SLC14A2: variants seen among roughly 807,000 people sequenced by gnomAD.
SLC14A2 encodes the protein urea transporter 2.
In SLC14A2, 91 loss-of-function variants were observed where a neutral mutation model predicts 104.6. That is an observed-to-expected ratio of 0.87 (90% CI 0.73 to 1.04). The LOEUF (loss-of-function observed/expected upper bound fraction) is 1.04, where lower values mean the gene tolerates loss of function less well. Ranked by LOEUF, SLC14A2 falls within the 50% of genes least tolerant of loss-of-function variation. The pLI is 0.00. For synonymous variants in SLC14A2, 476 were observed against 466.4 expected, an observed-to-expected ratio of 1.02 and a Z score of -0.27; for missense variants, 1,189 against 1,156.0, an observed-to-expected ratio of 1.03 and a Z score of -0.41.
intron 2 of SLC14A2, among the ~76,000 whole-genome samples, chr18:45,492,597 G>T (rs1226676017): frequency 6.6e-6 from 1 of 152,114 alleles, no homozygotes; most frequent in Non-Finnish European, 1.5e-5. Context: ...GATTAGATTT[G>T]GGTGGGTCAC....
chr18:45,667,608 C>CG (rs1284249764), intron 13 of SLC14A2, among the ~76,000 whole-genome samples: 3 of 152,334 alleles, frequency 2.0e-5, no homozygotes, highest in African/African-American at 7.2e-5. Context: ...GCCAGAAAAA[C>CG]AACCTGGAGG....
intron 1 of SLC14A2, among the ~76,000 whole-genome samples, chr18:45,397,086 T>C (rs1274123125): frequency 1.3e-5 from 2 of 152,222 alleles, no homozygotes; most frequent in Non-Finnish European, 2.9e-5. Flanking sequence ...TTTAGGTTGA[T>C]TCTGTGTTTT....
At chr18:45,482,054 T>C (rs1374483521) in intron 1 of SLC14A2, among the ~76,000 whole-genome samples, 2 of 152,136 alleles carry the variant, frequency 1.3e-5, no homozygotes, top group Non-Finnish European at 2.9e-5. Context: ...CCAGCAGGAC[T>C]GTAAATGAAT....
chr18:45,224,003 TA>T (rs1241408372), intron 1 of SLC14A2, among the ~76,000 whole-genome samples: 16 of 152,214 alleles, frequency 1.1e-4, no homozygotes, highest in Non-Finnish European at 2.1e-4. Flanking sequence ...TTTCCTTCTT[TA>T]AAAAAATTAA....
chr18:45,280,481 A>T (rs2084750991), intron 1 of SLC14A2, among the ~76,000 whole-genome samples: 1 of 152,176 alleles, frequency 6.6e-6, no homozygotes, highest in Non-Finnish European at 1.5e-5. Context: ...TTCCACCACC[A>T]TACTGGGGTC....
chr18:45,531,670 G>A (rs1423371766), intron 2 of SLC14A2, among the ~76,000 whole-genome samples: 1 of 152,028 alleles, frequency 6.6e-6, no homozygotes, highest in Non-Finnish European at 1.5e-5. Flanking sequence ...CTCTGATGGT[G>A]GTTTCTTTTG....
intron 2 of SLC14A2, among the ~76,000 whole-genome samples, chr18:45,539,894 T>TAAAAAAAAAAAAAAAAATAAA (rs531647287): frequency 7.4e-6 from 1 of 135,720 alleles, no homozygotes; most frequent in African/African-American, 2.7e-5. Context: ...ATGAAAAGAG[T>TAAAAAAAAAAAAAAAAATAAA]AAAAAAAAAA....
At chr18:45,545,859 A>G (rs1200050669) in intron 2 of SLC14A2, among the ~76,000 whole-genome samples, 1 of 152,232 alleles carries the variant, frequency 6.6e-6, no homozygotes, top group Non-Finnish European at 1.5e-5. Flanking sequence ...TGAGATTTAT[A>G]TATTTTTTCT....
rs34666828 is a variant in SLC14A2 at position 45,632,145 on chromosome 18, TTGTGTGTGTGTGTG to T, written c.522-193_522-180del. 5.3e-5 allele frequency among the ~76,000 whole-genome samples: 6 copies of T among 113,674 alleles called. No homozygotes were observed. The South Asian group carries it at 1.1e-3, about 20-fold the overall frequency. 74.6% of individuals were successfully genotyped at this position (113,674 alleles called of 152,430 possible). A position where few individuals can be genotyped will look rare whatever the true frequency, so the allele number is the denominator to read the frequency against. ...AAGACAAGGGTGTGTGTGTGTGTGTTTGTGTGTGTGTGTGTGTGTGTGTGTTATCAGGAAAGGTG... is the reference window on the plus strand; with the variant it reads ...AAGACAAGGGTGTGTGTGTGTGTGTTTGTGTGTGTGTTATCAGGAAAGGTG... On this transcript the variant is annotated intron_variant, in intron 4 of 19. Coordinates refer to ENST00000255226, the MANE Select transcript of SLC14A2 (RefSeq NM_007163.4).
chr18:45,658,488 G>A (rs1384834524), intron 10 of SLC14A2, among the ~76,000 whole-genome samples: 1 of 152,118 alleles, frequency 6.6e-6, no homozygotes, highest in Non-Finnish European at 1.5e-5. Flanking sequence ...GGCTGAGACA[G>A]GAGAATTGCT....
intron 2 of SLC14A2, among the ~76,000 whole-genome samples, chr18:45,519,248 A>G (rs1028844391): frequency 1.7e-4 from 26 of 152,198 alleles, no homozygotes; most frequent in African/African-American, 6.3e-4. Context: ...ATCCATGTAT[A>G]AATGAACAGA....
chr18:45,240,893 G>A (rs1328254336), intron 1 of SLC14A2, among the ~76,000 whole-genome samples: 1 of 151,912 alleles, frequency 6.6e-6, no homozygotes, highest in Non-Finnish European at 1.5e-5. Context: ...CACCTGACCT[G>A]GTGATTCGCC....
intron 1 of SLC14A2, among the ~76,000 whole-genome samples, chr18:45,277,296 A>G (rs1297554667): frequency 6.6e-6 from 1 of 152,276 alleles, no homozygotes; most frequent in Non-Finnish European, 1.5e-5. Context: ...TTAAAATATA[A>G]AAAGAAAAAA....
intron 1 of SLC14A2, among the ~76,000 whole-genome samples, chr18:45,464,356 AGT>A (rs1568220216): frequency 3.3e-5 from 5 of 152,132 alleles, no homozygotes; most frequent in Non-Finnish European, 7.4e-5. Context: ...TCTGAGAGAG[AGT>A]GTGTCAGGTC....
rs2085902197 is a variant in SLC14A2 at position 45,386,829 on chromosome 18, C to T, written c.-124-96404C>T. 3.3e-5 allele frequency among the ~76,000 whole-genome samples: 5 copies of T among 152,192 alleles called. No individual in the cohort carries two copies. In the South Asian group the frequency reaches 6.2e-4, roughly 19 times the overall value. ...GAATTGAGATGCTGATAGTATCTAC[C>T]TCCCAGGGCTGTTGTGAAGATGATG... On this transcript the variant is annotated intron_variant, in intron 1 of 20. Transcript: ENST00000586448.
intron 1 of SLC14A2, among the ~76,000 whole-genome samples, chr18:45,407,489 T>A (rs1239299471): frequency 6.6e-6 from 1 of 152,210 alleles, no homozygotes; most frequent in East Asian, 1.9e-4. Flanking sequence ...TTCTTATCAT[T>A]CGTGGGTTCA....
At chr18:45,295,987 T>A (rs529703699) in intron 1 of SLC14A2, among the ~76,000 whole-genome samples, 1 of 152,284 alleles carries the variant, frequency 6.6e-6, no homozygotes, top group African/African-American at 2.4e-5. Context: ...AGGTAGTGAG[T>A]ACTCAATCCG....
At chr18:45,296,257 G>A (rs1016743671) in intron 1 of SLC14A2, among the ~76,000 whole-genome samples, 2 of 152,134 alleles carry the variant, frequency 1.3e-5, no homozygotes, top group Non-Finnish European at 1.5e-5. Flanking sequence ...GGGAACCTCC[G>A]AGTTCATTCC....
intron 5 of SLC14A2, among the ~76,000 whole-genome samples, chr18:45,635,806 G>C (rs1316352137): frequency 6.6e-6 from 1 of 152,196 alleles, no homozygotes; most frequent in Non-Finnish European, 1.5e-5. Flanking sequence ...AGAGATTGAA[G>C]CTGCAGGAGA....
Sources: allele counts gnomAD v4.1 joint callset (sites outside exome capture counted in the v4.1 genomes callset), GRCh38; gene constraint gnomAD v4.1.1; transcripts MANE v1.5; gene names NCBI Gene and HGNC (gene_info 2026-07-23, HGNC 2026-07-21).